The following DARS2 variants were observed in gnomAD, a reference collection of about 807,000 sequenced individuals.
The protein encoded by DARS2 is aspartyl-tRNA synthetase 2, mitochondrial.
In DARS2, 63 loss-of-function variants were observed where a neutral mutation model predicts 83.0. That is an observed-to-expected ratio of 0.76 (90% CI 0.62 to 0.94). The LOEUF is 0.94. DARS2 is among the 40% of genes least tolerant of loss of function. DARS2 has a pLI of 0.00. For synonymous variants in DARS2, 250 were observed against 269.3 expected (o/e 0.93, Z 0.70); for missense variants, 675 against 774.4 (o/e 0.87, Z 1.52).
In DARS2 at chr1:173,853,891, G is replaced by A. The variant is rs147603024; in HGVS notation, c.1660G>A (p.Ala554Thr). 3.0e-5 allele frequency: 48 copies of A among 1,613,554 alleles called. No homozygotes were observed. Among genetic ancestry groups the A allele is most frequent in the Admixed American group, 1.7e-4 (10 of 59,998 alleles). Residue 554 changes from alanine (A) to threonine (T), a missense_variant, in exon 15 of 17, where the codon GCA becomes ACA. Ala to Thr is a moderately conservative substitution (Grantham distance 58). Transcript: ENST00000649689. ...TGCAGAGCTGCAGCGTTATATCCTG[G>A]CAACCTTACTAAAGGTAACAAACAT... ...HNAELQRYIL[A>T]TLLKEDVKML...
In DARS2 at chr1:173,848,440, T is replaced by C. The variant is rs1027959012; in HGVS notation, c.1192-1887T>C. Among the ~76,000 whole-genome samples, 5 of 152,374 alleles carry C rather than the reference T, an allele frequency of 3.3e-5. No individual in the cohort carries two copies. In the East Asian group the frequency reaches 9.6e-4, roughly 29 times the overall value. On this transcript the variant is annotated intron_variant, in intron 12 of 16. Transcript: ENST00000649689. Reference sequence around the variant, plus strand: ...CGTTTTATGTCTGCATTGTTCGGTGTAGTTGTTGCTAGCCAATGTCGCTAG... The same window carrying C: ...CGTTTTATGTCTGCATTGTTCGGTGCAGTTGTTGCTAGCCAATGTCGCTAG...
At position 173,831,215 on chromosome 1, in the gene DARS2, C is replaced by CTT. The variant is rs375672090; in HGVS notation, c.397-306_397-305dup. On this transcript the variant is annotated intron_variant, in intron 4 of 16. Transcript: ENST00000649689. ...CAGGCGTGAGCCACCGTGCCTGGCC[C>CTT]TTTTTTTTTTTTTTTCAGGACGGGT... Among the ~76,000 whole-genome samples, 150 of 139,166 alleles carry CTT rather than the reference C, an allele frequency of 1.1e-3. 2 individuals are homozygous for CTT. The highest frequency in any genetic ancestry group is 3.6e-3 in the African/African-American group (134 of 37,684). 91.3% of individuals were successfully genotyped at this position (139,166 alleles called of 152,430 possible).
intron 5 of DARS2, among the ~76,000 whole-genome samples, chr1:173,832,573 A>C (rs1301169060): frequency 3.3e-5 from 5 of 152,094 alleles, no homozygotes. Flanking sequence ...GTTCGAGACC[A>C]GCCTGGCCAA....
At chr1:173,852,092 C>G in intron 13 of DARS2, 1 of 985,352 alleles carries the variant, frequency 1.0e-6, no homozygotes, top group Non-Finnish European at 1.2e-6. Context: ...GAGCTAGAAA[C>G]CAGACTTTCG....
At chr1:173,840,696 A>T (rs538068050) in intron 10 of DARS2, among the ~76,000 whole-genome samples, 170 bp from the exon 11 acceptor site, 1 of 152,242 alleles carries the variant, frequency 6.6e-6, no homozygotes, top group African/African-American at 2.4e-5. Flanking sequence ...GAATGAGTAT[A>T]TGTAAAACAC....
chr1:173,840,240 T>C (rs1011973779), intron 10 of DARS2, among the ~76,000 whole-genome samples: 1 of 152,206 alleles, frequency 6.6e-6, no homozygotes, highest in African/African-American at 2.4e-5. Flanking sequence ...ATAGTGGTTC[T>C]TTTTTTGTAT....
chr1:173,835,841 G>A (rs1652982952), intron 7 of DARS2, among the ~76,000 whole-genome samples: 2 of 152,018 alleles, frequency 1.3e-5, no homozygotes, highest in Non-Finnish European at 2.9e-5. Flanking sequence ...ATCACCTGAG[G>A]TCAGGAGTTT....
intron 12 of DARS2, among the ~76,000 whole-genome samples, chr1:173,847,844 C>CTTTTT (rs1160841148): frequency 8.9e-4 from 70 of 78,650 alleles, no homozygotes; most frequent in Admixed American, 1.5e-3. Flanking sequence ...CTTTCTGAAC[C>CTTTTT]TTTTTTTTTT....
In DARS2 at chr1:173,828,325, T is replaced by C. The variant is rs753462609; in HGVS notation, c.228-8T>C. On this transcript the variant is annotated splice_region_variant and splice_polypyrimidine_tract_variant and intron_variant, in intron 2 of 16. Coordinates refer to ENST00000649689, the MANE Select transcript of DARS2 (RefSeq NM_018122.5). Reference sequence around the variant, plus strand: ...AAAATGTTTCTTTTCCCCCCCCCCATTAATCAGGCAAAACACATTCTTGGT... The same window carrying C: ...AAAATGTTTCTTTTCCCCCCCCCCACTAATCAGGCAAAACACATTCTTGGT... 1 of 820,760 alleles carries C rather than the reference T, an allele frequency of 1.2e-6. No individual in the cohort carries two copies. The highest frequency in any genetic ancestry group is 1.7e-5 in the African/African-American group (1 of 59,608). 50.8% of individuals were successfully genotyped at this position (820,760 alleles called of 1,614,324 possible).
rs1652803904 is a variant in DARS2, at chr1:173,831,712, A to C, written c.492+82A>C. 1.7e-5 allele frequency: 19 copies of C among 1,127,126 alleles called. No homozygotes were observed. In the South Asian group the frequency reaches 2.4e-4, roughly 14 times the overall value. 69.8% of individuals were successfully genotyped at this position (1,127,126 alleles called of 1,614,324 possible). On this transcript the variant is annotated intron_variant, in intron 5 of 16. Coordinates refer to ENST00000649689, the MANE Select transcript of DARS2 (RefSeq NM_018122.5). ...AAGTATTTTCAGAGTTTTTTAAAGAAAAGTTTAACTTCTACAAAATTAAGC... is the reference window on the plus strand; with the variant it reads ...AAGTATTTTCAGAGTTTTTTAAAGACAAGTTTAACTTCTACAAAATTAAGC...
At chr1:173,852,055 G>A in intron 13 of DARS2, 1 of 985,370 alleles carries the variant, frequency 1.0e-6, no homozygotes. Flanking sequence ...TTATAGGTCT[G>A]ATTCCTACAA....
chr1:173,828,489 T>C, intron 3 of DARS2, 90 bp downstream of exon 3: 1 of 1,220,160 alleles, frequency 8.2e-7, no homozygotes, highest in Non-Finnish European at 1.2e-6. Context: ...GTTAGAGGTT[T>C]TAAATTCAGA....
chr1:173,833,416 TGC>T lies in DARS2; in HGVS notation c.535_536del (p.Arg179Ter). ...CGGTTGCAGTATCGCTACTTAGACT[TGC>T]GTAGTTTCCAAATGCAGTATAACCT... is the stretch of plus-strand genomic sequence containing the variant. On this transcript the variant is annotated frameshift_variant, in exon 6 of 17. Transcript: ENST00000649689. LOFTEE classifies it high-confidence loss of function. 1.2e-6 allele frequency: 2 copies of T among 1,613,734 alleles called. No individual in the cohort carries two copies. Among genetic ancestry groups the T allele is most frequent in the Non-Finnish European group, 1.7e-6 (2 of 1,179,748 alleles).
intron 1 of DARS2, among the ~76,000 whole-genome samples, chr1:173,826,039 G>A (rs2102632221): frequency 6.6e-6 from 1 of 151,092 alleles, no homozygotes; most frequent in East Asian, 2.0e-4. Context: ...TGGCTAACAC[G>A]GTGAAACCCC....
At chr1:173,843,664 C>T (rs1234463589) in intron 11 of DARS2, among the ~76,000 whole-genome samples, 1 of 152,218 alleles carries the variant, frequency 6.6e-6, no homozygotes, top group Non-Finnish European at 1.5e-5. Context: ...TTAAAGTCCA[C>T]TTGCTCTATT....
At chr1:173,850,616 T>C in intron 13 of DARS2, 137 bp downstream of exon 13, 1 of 1,081,332 alleles carries the variant, frequency 9.2e-7, no homozygotes, top group African/African-American at 1.6e-5. Flanking sequence ...TTTTTTTTTT[T>C]TTTTTAAGAG....
At position 173,842,004 on chromosome 1, in the gene DARS2, G is replaced by A. The variant is rs181590062; in HGVS notation, c.1128+1031G>A. 1.4e-4 allele frequency among the ~76,000 whole-genome samples: 22 copies of A among 152,066 alleles called. 1 individual carries two copies. The highest frequency in any genetic ancestry group is 5.1e-4 in the African/African-American group (21 of 41,468). On this transcript the variant is annotated intron_variant, in intron 11 of 16. Coordinates refer to ENST00000649689, the MANE Select transcript of DARS2 (RefSeq NM_018122.5). ...TCATCTCAGTTGCACTAATAACAGG[G>A]AAATAAAAGGAGATGGAGCTAAAAA...
chr1:173,842,486 A>G (rs1393404762), intron 11 of DARS2, among the ~76,000 whole-genome samples: 13 of 148,316 alleles, frequency 8.8e-5, no homozygotes, highest in Non-Finnish European at 1.6e-4. Flanking sequence ...TATTTTTAGT[A>G]GAGATGGAGT....
chr1:173,838,986 C>CG (rs1653110987), intron 9 of DARS2, among the ~76,000 whole-genome samples: 1 of 152,142 alleles, frequency 6.6e-6, no homozygotes, highest in Non-Finnish European at 1.5e-5. Context: ...CCACCCGCCT[C>CG]GGCCTCCCAA....
Sources: allele counts gnomAD v4.1 joint callset (sites outside exome capture counted in the v4.1 genomes callset), GRCh38; gene constraint gnomAD v4.1.1; transcripts MANE v1.5; gene names NCBI Gene and HGNC (gene_info 2026-07-23, HGNC 2026-07-21).